The following ERI3 variants were observed in gnomAD, a reference collection of about 807,000 sequenced individuals.
The protein encoded by ERI3 is ERI1 exoribonuclease family member 3.
In ERI3, 18 loss-of-function variants were observed where a neutral mutation model predicts 44.4. The observed-to-expected ratio is 0.41, with a 90% CI of 0.28 to 0.60. The LOEUF (loss-of-function observed/expected upper bound fraction) is 0.60, where lower values mean the gene tolerates loss of function less well. Ranked by LOEUF, ERI3 falls within the 20% of genes least tolerant of loss-of-function variation. ERI3 has a pLI of 0.36. For synonymous variants in ERI3, 183 were observed against 164.8 expected (o/e 1.11, Z -0.84); for missense variants, 294 against 435.5 (o/e 0.68, Z 2.89).
At chr1:44,284,185 C>A in intron 7 of ERI3, 1 of 402,088 alleles carries the variant, frequency 2.5e-6, no homozygotes, top group Non-Finnish European at 5.0e-6. Flanking sequence ...CTAAGTGATT[C>A]ATTCTCTGCC....
At chr1:44,225,121 G>A (rs1161727340) in intron 8 of ERI3, among the ~76,000 whole-genome samples, 1 of 152,058 alleles carries the variant, frequency 6.6e-6, no homozygotes, top group African/African-American at 2.4e-5. Flanking sequence ...GGGGCCACCT[G>A]GGTTAGCAGG....
chr1:44,290,297 G>A (rs1403920491), intron 6 of ERI3, among the ~76,000 whole-genome samples: 1 of 152,180 alleles, frequency 6.6e-6, no homozygotes, highest in African/African-American at 2.4e-5. Context: ...AAGTCATCAT[G>A]GGACCATGGA....
intron 2 of ERI3, among the ~76,000 whole-genome samples, chr1:44,341,130 T>C (rs985692637): frequency 1.3e-5 from 2 of 152,224 alleles, no homozygotes; most frequent in African/African-American, 2.4e-5. Flanking sequence ...GTCTACCAAA[T>C]ACTATAAGCA....
In ERI3 at chr1:44,241,385, C is replaced by T. The variant is rs747968665; in HGVS notation, c.931+6554G>A. On this transcript the variant is annotated intron_variant, in intron 8 of 8. Coordinates refer to ENST00000372257, the MANE Select transcript of ERI3 (RefSeq NM_024066.3). This position sits in a 1 kb window ranked among gnomAD's most constrained non-coding sequence, Gnocchi z 5.6. ...TCTGCCCTGTCAATCACTCAATCAC[C>T]GCCCAGTGCTTGGTGGGCACCGCAC... Among the ~76,000 whole-genome samples, 6 of 152,114 alleles carry T rather than the reference C, an allele frequency of 3.9e-5. No individual in the cohort carries two copies. The highest frequency in any genetic ancestry group is 6.5e-5 in the Admixed American group (1 of 15,268).
In ERI3 at chr1:44,267,644, A is replaced by G. The variant is rs573094226; in HGVS notation, c.831+17191T>C. The stretch of plus-strand genomic sequence containing the variant: ...GCAAACACACCACTGGGGAGGCCTC[A>G]GGCTTGCCCTGGGATCTGCCTGCAG... On this transcript the variant is annotated intron_variant, in intron 7 of 8. Coordinates refer to ENST00000372257, the MANE Select transcript of ERI3 (RefSeq NM_024066.3). Among the ~76,000 whole-genome samples the G allele has an allele frequency of 7.6e-4, 116 of 152,360 alleles. 5 individuals are homozygous for G. In the South Asian group the frequency reaches 0.022, roughly 29 times the overall value.
At position 44,290,554 on chromosome 1, in the gene ERI3, C is replaced by A. The variant is rs190111558; in HGVS notation, c.759-5647G>T. ...AGCCTCAGGAAAGGGCCCATTCCCA[C>A]TGGATCCCAGTCAGGGAGCCCTATC... On this transcript the variant is annotated intron_variant, in intron 6 of 8. Transcript: ENST00000372257. Among the ~76,000 whole-genome samples, 53 of 152,340 alleles carry A rather than the reference C, an allele frequency of 3.5e-4. No homozygotes were observed. The East Asian group carries it at 8.5e-3, about 24-fold the overall frequency.
chr1:44,285,202 A>G (rs1645367477), intron 6 of ERI3, among the ~76,000 whole-genome samples: 1 of 152,206 alleles, frequency 6.6e-6, no homozygotes, highest in Admixed American at 6.5e-5. Flanking sequence ...TTATATTTTC[A>G]CATTTAATCT....
At chr1:44,249,622 C>G (rs1644632919) in intron 7 of ERI3, among the ~76,000 whole-genome samples, 1 of 152,212 alleles carries the variant, frequency 6.6e-6, no homozygotes. Context: ...AGCCTTCCCC[C>G]ACCCTTTCCC....
intron 7 of ERI3, among the ~76,000 whole-genome samples, chr1:44,278,069 T>C (rs567075218): frequency 6.6e-6 from 1 of 152,330 alleles, no homozygotes; most frequent in East Asian, 1.9e-4. Flanking sequence ...ATTTCACATG[T>C]AATCAATACA....
chr1:44,329,532 T>G (rs1218583335), intron 3 of ERI3, among the ~76,000 whole-genome samples: 2 of 152,206 alleles, frequency 1.3e-5, no homozygotes, highest in Non-Finnish European at 2.9e-5. Context: ...GCTAGTGTTG[T>G]GAACAACGCA....
At chr1:44,285,302 A>G (rs986351667) in intron 6 of ERI3, among the ~76,000 whole-genome samples, 3 of 152,246 alleles carry the variant, frequency 2.0e-5, no homozygotes, top group African/African-American at 7.2e-5. Flanking sequence ...TCCCACAGCT[A>G]AAACATGATA....
intron 3 of ERI3, 39 bp from the exon 4 acceptor site, chr1:44,319,783 T>C: frequency 1.4e-6 from 2 of 1,434,738 alleles, no homozygotes; most frequent in South Asian, 1.2e-5. Flanking sequence ...AAATAAGTTA[T>C]TGTAATCAAC....
rs534876192 is a variant in ERI3 at position 44,235,231 on chromosome 1, C to T, written c.931+12708G>A. The stretch of plus-strand genomic sequence containing the variant: ...AAAGTCTGAGTTCTGGACCTGTTTA[C>T]ATCTCTGGTCTCATCAGTCCCACTC... On this transcript the variant is annotated intron_variant, in intron 8 of 8. Transcript: ENST00000372257. This position sits in a 1 kb window ranked among gnomAD's most constrained non-coding sequence, Gnocchi z 4.6. 2.6e-5 allele frequency among the ~76,000 whole-genome samples: 4 copies of T among 152,208 alleles called. No individual in the cohort carries two copies. In the East Asian group the frequency reaches 7.7e-4, roughly 29 times the overall value.
intron 2 of ERI3, among the ~76,000 whole-genome samples, chr1:44,352,384 A>C (rs1437527279): frequency 6.6e-6 from 1 of 152,104 alleles, no homozygotes; most frequent in Non-Finnish European, 1.5e-5. Context: ...CGAGCCCAGC[A>C]TGGGCAACCT....
chr1:44,339,578 A>G (rs945059864), intron 2 of ERI3, among the ~76,000 whole-genome samples: 3 of 152,136 alleles, frequency 2.0e-5, no homozygotes, highest in African/African-American at 7.2e-5. Context: ...ATCATTCTCA[A>G]AACAACATGC....
chr1:44,347,417 G>T (rs1465669529), intron 2 of ERI3, among the ~76,000 whole-genome samples: 1 of 152,160 alleles, frequency 6.6e-6, no homozygotes, highest in African/African-American at 2.4e-5. Context: ...ACTGGCAGGA[G>T]GCAGGGTTAT....
At position 44,355,188 on chromosome 1, in the gene ERI3, C is replaced by G. The variant is rs1010702557; in HGVS notation, c.-162G>C. 1.4e-5 allele frequency: 17 copies of G among 1,202,304 alleles called. No individual in the cohort carries two copies. Among genetic ancestry groups the G allele is most frequent in the Non-Finnish European group, 1.8e-5 (17 of 968,866 alleles). The allele number at this position is 1,202,304 out of a possible 1,614,324, so 74.5% of individuals were successfully genotyped here. On this transcript the variant is annotated 5_prime_UTR_variant, in exon 1 of 9. Coordinates refer to ENST00000372257, the MANE Select transcript of ERI3 (RefSeq NM_024066.3). ...GCAGAGGCAGGGCCAGCTCCGCCCG[C>G]TCCCCACCGCCCGTTCCCGGCCGCC...
intron 2 of ERI3, among the ~76,000 whole-genome samples, chr1:44,346,250 T>G (rs1221628498): frequency 6.6e-6 from 1 of 152,158 alleles, no homozygotes; most frequent in Non-Finnish European, 1.5e-5. Flanking sequence ...AATCCCAAAC[T>G]ACCAGCAGAG....
chr1:44,242,531 C>T lies in ERI3; in HGVS notation c.931+5408G>A, dbSNP rs563029532. ...ATGGGGACACTGCCAGGCTAGATGT[C>T]ATGGAGAAAGGGGATGGGAGGAGAA... On this transcript the variant is annotated intron_variant, in intron 8 of 8. Coordinates refer to ENST00000372257, the MANE Select transcript of ERI3 (RefSeq NM_024066.3). Among the ~76,000 whole-genome samples, 3 of 152,304 alleles carry T rather than the reference C, an allele frequency of 2.0e-5. No homozygotes were observed. In the South Asian group the frequency reaches 6.2e-4, roughly 32 times the overall value.
Sources: allele counts gnomAD v4.1 joint callset (sites outside exome capture counted in the v4.1 genomes callset), GRCh38; gene constraint gnomAD v4.1.1; non-coding constraint Gnocchi (gnomAD v3.1); transcripts MANE v1.5; gene names NCBI Gene and HGNC (gene_info 2026-07-23, HGNC 2026-07-21).